LRBA: variants seen among roughly 807,000 people sequenced by gnomAD.
LRBA encodes the protein lipopolysaccharide-responsive and beige-like anchor protein.
Under a neutral mutation model 330.0 loss-of-function variants are expected in LRBA, and 176 were observed. That is an observed-to-expected ratio of 0.53 (90% CI 0.47 to 0.60). The LOEUF is 0.60. Among genes scored for constraint, LRBA ranks in the 20% least tolerant of loss-of-function variants. The pLI, the probability that LRBA is intolerant of heterozygous loss-of-function variation, is 0.00. For synonymous variants in LRBA, 1,230 were observed against 1,193.0 expected, an observed-to-expected ratio of 1.03 and a Z score of -0.64; for missense variants, 3,259 against 3,444.8, an observed-to-expected ratio of 0.95 and a Z score of 1.35.
chr4:150,472,838 T>C (rs935961895), intron 42 of LRBA, among the ~76,000 whole-genome samples: 2 of 152,178 alleles, frequency 1.3e-5, no homozygotes, highest in African/African-American at 4.8e-5. Context: ...TTCCTTTTTA[T>C]TGCTGACTAG....
chr4:150,847,671 A>T (rs921023107), intron 26 of LRBA, among the ~76,000 whole-genome samples: 34 of 152,314 alleles, frequency 2.2e-4, no homozygotes, highest in African/African-American at 7.2e-4. Flanking sequence ...TTAATAATCA[A>T]ATCATTTAAC....
At chr4:150,696,663 G>A (rs7669245) in intron 36 of LRBA, among the ~76,000 whole-genome samples, 1 of 152,078 alleles carries the variant, frequency 6.6e-6, no homozygotes, top group Admixed American at 6.6e-5. Context: ...ACTGCTCAAA[G>A]AGTTATAGAC....
intron 40 of LRBA, among the ~76,000 whole-genome samples, chr4:150,568,568 T>G (rs1769446506): frequency 6.6e-6 from 1 of 152,118 alleles, no homozygotes. Flanking sequence ...AGAGAAAAAC[T>G]TTAGTGTAAA....
At chr4:150,791,195 T>G (rs1311126958) in intron 34 of LRBA, among the ~76,000 whole-genome samples, 1 of 152,142 alleles carries the variant, frequency 6.6e-6, no homozygotes, top group Non-Finnish European at 1.5e-5. Context: ...CTCAGGCAAT[T>G]CTATGCTTCA....
At chr4:150,557,792 G>C (rs964031445) in intron 40 of LRBA, among the ~76,000 whole-genome samples, 2 of 152,128 alleles carry the variant, frequency 1.3e-5, no homozygotes, top group African/African-American at 4.8e-5. Context: ...AACGTGTTTT[G>C]TCACTGATAT....
intron 42 of LRBA, among the ~76,000 whole-genome samples, chr4:150,473,197 T>C (rs934014966): frequency 2.0e-5 from 3 of 152,194 alleles, no homozygotes; most frequent in African/African-American, 7.2e-5. Flanking sequence ...AGTTTTAATG[T>C]ATGTTGTTGA....
intron 37 of LRBA, among the ~76,000 whole-genome samples, chr4:150,654,917 C>T (rs894541059): frequency 3.3e-5 from 5 of 152,186 alleles, no homozygotes; most frequent in Admixed American, 1.3e-4. Context: ...TGTAAATGTG[C>T]CACATTTTCT....
intron 47 of LRBA, among the ~76,000 whole-genome samples, chr4:150,406,060 A>C (rs1384821323): frequency 6.6e-6 from 1 of 152,170 alleles, no homozygotes; most frequent in Non-Finnish European, 1.5e-5. Context: ...GTCTCAAAAA[A>C]TAAAATGTAT....
chr4:150,652,672 A>C (rs970463655), intron 37 of LRBA, among the ~76,000 whole-genome samples: 7 of 152,236 alleles, frequency 4.6e-5, no homozygotes, highest in Non-Finnish European at 1.0e-4. Flanking sequence ...TAAAAATAAA[A>C]TATTTAGATT....
intron 20 of LRBA, 30 bp downstream of exon 20, chr4:150,870,495 A>G: frequency 8.7e-7 from 1 of 1,153,372 alleles, no homozygotes. Flanking sequence ...AGCAAAAGGT[A>G]GTTTTTGTTA....
At chr4:150,933,427 T>A (rs72719693) in intron 2 of LRBA, among the ~76,000 whole-genome samples, 164 of 150,054 alleles carry the variant, frequency 1.1e-3, no homozygotes, top group Non-Finnish European at 1.7e-3. Context: ...ATGATGTACA[T>A]ATAGAAAAGA....
intron 44 of LRBA, among the ~76,000 whole-genome samples, chr4:150,465,952 A>G (rs189410352): frequency 2.2e-3 from 335 of 152,244 alleles, no homozygotes; most frequent in Non-Finnish European, 3.9e-3. Flanking sequence ...ATTATAATAA[A>G]TTATGAAATG....
rs573245146 is a variant in LRBA, at chr4:150,410,948, T to C, written c.7194+4490A>G. Among the ~76,000 whole-genome samples, 14 of 152,318 alleles carry C rather than the reference T, an allele frequency of 9.2e-5. No individual in the cohort carries two copies. In the East Asian group the frequency reaches 2.5e-3, roughly 27 times the overall value. ...TTGACATTATATCATAAGAGACAGA[T>C]GATGGGCATTCCGAACTCATAAATT... On this transcript the variant is annotated intron_variant, in intron 47 of 56. Coordinates refer to ENST00000651943, the MANE Select transcript of LRBA (RefSeq NM_001364905.1).
intron 40 of LRBA, among the ~76,000 whole-genome samples, chr4:150,545,184 C>G (rs1235003208): frequency 2.0e-5 from 3 of 152,000 alleles, no homozygotes; most frequent in Non-Finnish European, 4.4e-5. Context: ...GTTATTAATA[C>G]CATAATCAAG....
In LRBA at chr4:150,321,273, G is replaced by C; in HGVS notation, c.7548C>G (p.Thr2516=). ...NSPVTHVAAN[T]QPGLATPAVI... Reference sequence around the variant, plus strand: ...CAGCGGGAGTTGCCAAACCAGGCTGGGTGTTGGCTGCCACGTGAGTAACAG... The same window carrying C: ...CAGCGGGAGTTGCCAAACCAGGCTGCGTGTTGGCTGCCACGTGAGTAACAG... Residue 2516 remains threonine (T), a synonymous_variant, in exon 50 of 57, where the codon ACC becomes ACG. Coordinates refer to ENST00000651943, the MANE Select transcript of LRBA (RefSeq NM_001364905.1). This position sits in a 1 kb window ranked among gnomAD's most constrained non-coding sequence, Gnocchi z 4.5. 6.2e-7 allele frequency: 1 copy of C among 1,612,598 alleles called. No homozygotes were observed. The highest frequency in any genetic ancestry group is 8.5e-7 in the Non-Finnish European group (1 of 1,179,502).
At chr4:150,266,632 A>AAAAC (rs1384498163) in intron 56 of LRBA, among the ~76,000 whole-genome samples, 1 of 152,242 alleles carries the variant, frequency 6.6e-6, no homozygotes, top group African/African-American at 2.4e-5. Context: ...AAATCAACTA[A>AAAAC]AAACAAAGGA....
At chr4:150,901,793 G>C (rs182252284) in intron 13 of LRBA, among the ~76,000 whole-genome samples, 2 of 152,174 alleles carry the variant, frequency 1.3e-5, no homozygotes, top group Non-Finnish European at 2.9e-5. Context: ...ACAATACATT[G>C]TGATCTACTG....
At chr4:150,350,311 C>G in intron 47 of LRBA, 152 bp from the exon 48 acceptor site, 1 of 577,676 alleles carries the variant, frequency 1.7e-6, no homozygotes, top group Middle Eastern at 4.6e-4. Context: ...GTGGCTCACG[C>G]CTATAATCCC....
intron 43 of LRBA, among the ~76,000 whole-genome samples, chr4:150,470,419 A>G (rs1211837232): frequency 2.6e-5 from 4 of 151,918 alleles, no homozygotes; most frequent in Non-Finnish European, 5.9e-5. Context: ...CTCTTCTCAT[A>G]TGCAAGAGAA....
Sources: allele counts gnomAD v4.1 joint callset (sites outside exome capture counted in the v4.1 genomes callset), GRCh38; gene constraint gnomAD v4.1.1; non-coding constraint Gnocchi (gnomAD v3.1); transcripts MANE v1.5; gene names NCBI Gene and HGNC (gene_info 2026-07-23, HGNC 2026-07-21).